Variants in PRR36 observed in about 807,000 individuals in gnomAD.
PRR36 encodes proline-rich protein 36.
A neutral mutation model predicts 58.6 loss-of-function variants in PRR36; 30 were observed. That is an observed-to-expected ratio of 0.51 (90% CI 0.38 to 0.69). The LOEUF (loss-of-function observed/expected upper bound fraction) is 0.69, where lower values mean the gene tolerates loss of function less well. PRR36 is among the 30% of genes least tolerant of loss of function. PRR36 has a pLI of 0.00. For synonymous variants in PRR36, 771 were observed against 829.3 expected, an observed-to-expected ratio of 0.93 and a Z score of 1.21; for missense variants, 1,692 against 1,805.6, an observed-to-expected ratio of 0.94 and a Z score of 1.14.
In PRR36 at chr19:7,874,177, T is replaced by G; in HGVS notation, c.-8+109A>C. On this transcript the variant is annotated intron_variant, in intron 1 of 5. Coordinates refer to ENST00000618550, the MANE Select transcript of PRR36 (RefSeq NM_001190467.2). This position sits in a 1 kb window ranked among gnomAD's most constrained non-coding sequence, Gnocchi z 6.0. ...CTGCCGGGAGGCAGAGCGGCCCCGC[T>G]GCCCGCGAACGGGCTCCGGGAGACA... 6.5e-6 allele frequency: 1 copy of G among 154,506 alleles called. No homozygotes were observed. Among genetic ancestry groups the G allele is most frequent in the Non-Finnish European group, 1.4e-5 (1 of 69,580 alleles). The allele number at this position is 154,506 out of a possible 1,614,324, so 9.6% of individuals were successfully genotyped here. A position where few individuals can be genotyped will look rare whatever the true frequency, so the allele number is the denominator to read the frequency against.
Position 7,870,065 on chromosome 19 carries a change from GGC to G in PRR36, c.3177_3178del (p.Leu1061SerfsTer131). ...GGGAGAGGGAGGGACCTGCAGAAGG[GGC>G]GCTGCCAGAACAGGTGGGGCCTGTG... On this transcript the variant is annotated frameshift_variant, in exon 5 of 6. Coordinates refer to ENST00000618550, the MANE Select transcript of PRR36 (RefSeq NM_001190467.2). LOFTEE classifies it high-confidence loss of function. 2.0e-6 allele frequency: 3 copies of G among 1,474,882 alleles called. No homozygotes were observed. Among genetic ancestry groups the G allele is most frequent in the Admixed American group, 2.4e-5 (1 of 41,960 alleles). The allele number at this position is 1,474,882 out of a possible 1,614,324, so 91.4% of individuals were successfully genotyped here.
rs1339941977 is a variant in PRR36 at position 7,870,647 on chromosome 19, G to A, written c.2597C>T (p.Pro866Leu). Residue 866 changes from proline to leucine, a missense_variant, in exon 5 of 6, where the codon CCT becomes CTT. This residue lies in a region of PRR36 where 171 missense variants were observed against 146.2 expected (regional missense o/e 1.17). Coordinates refer to ENST00000618550, the MANE Select transcript of PRR36 (RefSeq NM_001190467.2). ...PSPPASPPLSPLATPSPQAPN... is the reference protein window; with the variant it reads ...PSPPASPPLSLLATPSPQAPN... ...GGCCTGTGGAGAGGGTGTGGCCAAAGGAGACAGAGGGGGTGAGGCAGGGGG... is the reference window on the plus strand; with the variant it reads ...GGCCTGTGGAGAGGGTGTGGCCAAAAGAGACAGAGGGGGTGAGGCAGGGGG... 1.5e-6 allele frequency: 2 copies of A among 1,367,702 alleles called. No homozygotes were observed. Among genetic ancestry groups the A allele is most frequent in the South Asian group, 1.7e-5 (1 of 58,504 alleles). The allele number at this position is 1,367,702 out of a possible 1,614,324, so 84.7% of individuals were successfully genotyped here. A position where few individuals can be genotyped will look rare whatever the true frequency, so the allele number is the denominator to read the frequency against.
Position 7,872,072 on chromosome 19 carries a change from G to A in PRR36, c.1172C>T (p.Ala391Val). Residue 391 changes from alanine to valine, a missense_variant, in exon 5 of 6, where the codon GCC (alanine) becomes GTC (valine). Physicochemically the swap from Ala to Val is moderately conservative, Grantham distance 64. Around this residue, in one of 5 missense-constraint regions of PRR36, gnomAD observed 975 missense variants for 955.2 expected, o/e 1.02. Coordinates refer to ENST00000618550, the MANE Select transcript of PRR36 (RefSeq NM_001190467.2). This position sits in a 1 kb window ranked among gnomAD's most constrained non-coding sequence, Gnocchi z 6.1. ...GGGTGGAACTTGCGAGGGGGGCGTG[G>A]CTGGTGGAGAGGGGAGGGTCTGCAG... ...PSLQTLPSPP[A>V]TPPSQVPPTQ... 1 of 1,535,630 alleles carries A rather than the reference G, an allele frequency of 6.5e-7. No homozygotes were observed. Among genetic ancestry groups the A allele is most frequent in the Non-Finnish European group, 8.7e-7 (1 of 1,146,746 alleles).
rs1158724804 is a variant in PRR36, at chr19:7,874,043, G to A, written c.-8+243C>T. On this transcript the variant is annotated intron_variant, in intron 1 of 5. Transcript: ENST00000618550. This position sits in a 1 kb window ranked among gnomAD's most constrained non-coding sequence, Gnocchi z 6.0. ...CAGACCGCCAGCCTCGAGAGCGGGG[G>A]ACTGCCACGGGCTCAGGATGTCGCA... Among the ~76,000 whole-genome samples, 2 of 152,114 alleles carry A rather than the reference G, an allele frequency of 1.3e-5. No individual in the cohort carries two copies. The highest frequency in any genetic ancestry group is 2.9e-5 in the Non-Finnish European group (2 of 67,982).
At position 7,872,897 on chromosome 19, in the gene PRR36, C is replaced by G. The variant is rs1243901047; in HGVS notation, c.439G>C (p.Ala147Pro). 2.0e-6 allele frequency: 3 copies of G among 1,536,004 alleles called. No homozygotes were observed. Among genetic ancestry groups the G allele is most frequent in the African/African-American group, 2.7e-5 (2 of 73,060 alleles). Residue 147 changes from alanine to proline, a missense_variant, in exon 4 of 6, where the codon GCT becomes CCT. Transcript: ENST00000618550. The surrounding 1 kb of genome is among the most constrained non-coding windows in gnomAD (Gnocchi z 6.1). Reference sequence around the variant, plus strand: ...GCACTCCTTTTGGGAGCCTCTGTAGCTTTTCCTCTGGCCACAGTTTCCTCC... The same window carrying G: ...GCACTCCTTTTGGGAGCCTCTGTAGGTTTTCCTCTGGCCACAGTTTCCTCC... ...SAEETVARGKATEAPKRSALS... is the reference protein window; with the variant it reads ...SAEETVARGKPTEAPKRSALS...
Position 7,873,827 on chromosome 19 carries a change from C to T in PRR36, c.-7-131G>A. The T allele has an allele frequency of 2.3e-6, 2 of 873,074 alleles. No homozygotes were observed. Among genetic ancestry groups the T allele is most frequent in the South Asian group, 1.9e-5 (1 of 53,212 alleles). 54.1% of individuals were successfully genotyped at this position (873,074 alleles called of 1,614,324 possible). ...GACACTCAAACCTCGGCCTCGGCTT[C>T]CATCCGCTCGGCTCCCACGCACCTA... On this transcript the variant is annotated intron_variant, in intron 1 of 5. Transcript: ENST00000618550. This position sits in a 1 kb window ranked among gnomAD's most constrained non-coding sequence, Gnocchi z 5.0.
In PRR36 at chr19:7,869,842, ACGC is replaced by A; in HGVS notation, c.3399_3401del (p.Arg1134del). The stretch of plus-strand genomic sequence containing the variant: ...CGCCCTCGGGCCCGCTGTCGTAGCC[ACGC>A]AGCTCCTCTGGCGTGCTCGTGGCGC... On this transcript the variant is annotated inframe_deletion, in exon 5 of 6. Coordinates refer to ENST00000618550, the MANE Select transcript of PRR36 (RefSeq NM_001190467.2). 1 of 1,349,476 alleles carries A rather than the reference ACGC, an allele frequency of 7.4e-7. No homozygotes were observed. Among genetic ancestry groups the A allele is most frequent in the Non-Finnish European group, 9.5e-7 (1 of 1,057,470 alleles). The allele number at this position is 1,349,476 out of a possible 1,614,324, so 83.6% of individuals were successfully genotyped here. A position where few individuals can be genotyped will look rare whatever the true frequency, so the allele number is the denominator to read the frequency against.
chr19:7,871,665 C>A lies in PRR36; in HGVS notation c.1579G>T (p.Ala527Ser), dbSNP rs778164077. 1 of 1,535,848 alleles carries A rather than the reference C, an allele frequency of 6.5e-7. No homozygotes were observed. The highest frequency in any genetic ancestry group is 1.2e-5 in the South Asian group (1 of 84,040). The change falls in exon 5 of 6, where the codon GCC becomes TCC. Residue 527 changes from alanine to serine, a missense_variant. Coordinates refer to ENST00000618550, the MANE Select transcript of PRR36 (RefSeq NM_001190467.2). The stretch of plus-strand genomic sequence containing the variant: ...GGAGAGGCCTGCAGAGGCAATGTGG[C>A]CAGAAGAGGAGAGTCCTGCAGAGGA... ...TLPLQDSPLL[A>S]TLPLQASPSP...
rs1359256393 is a variant in PRR36, at chr19:7,872,667, C to T, written c.577G>A (p.Ala193Thr). 3.4e-6 allele frequency: 5 copies of T among 1,464,294 alleles called. No homozygotes were observed. In the African/African-American group the frequency reaches 4.3e-5, roughly 12 times the overall value. 90.7% of individuals were successfully genotyped at this position (1,464,294 alleles called of 1,614,324 possible). Residue 193 changes from alanine to threonine, a missense_variant, in exon 5 of 6, where the codon GCT becomes ACT. Around this residue, in one of 5 missense-constraint regions of PRR36, gnomAD observed 975 missense variants for 955.2 expected, o/e 1.02. Transcript: ENST00000618550. This position sits in a 1 kb window ranked among gnomAD's most constrained non-coding sequence, Gnocchi z 6.1. ...GGGGGCCGTGGCCGGGCACTCGGAGCTGGCCGGGGGAGCCCCACCTCGGTG... is the reference window on the plus strand; with the variant it reads ...GGGGGCCGTGGCCGGGCACTCGGAGTTGGCCGGGGGAGCCCCACCTCGGTG... The part of the protein sequence containing the change: ...AGTEVGLPRP[A>T]PSARPRPPTE...
In PRR36 at chr19:7,873,107, T is replaced by TC; in HGVS notation, c.374+89dup. ...TTTGTGCCCAGTGACCTGCAAGTGC[T>TC]CCCGCGCCCCAACTCGTGTAAAATA... On this transcript the variant is annotated intron_variant, in intron 3 of 5. Transcript: ENST00000618550. This position sits in a 1 kb window ranked among gnomAD's most constrained non-coding sequence, Gnocchi z 5.0. The TC allele has an allele frequency of 7.2e-7, 1 of 1,388,834 alleles. No homozygotes were observed. Among genetic ancestry groups the TC allele is most frequent in the Non-Finnish European group, 9.8e-7 (1 of 1,016,252 alleles). The allele number at this position is 1,388,834 out of a possible 1,614,324, so 86.0% of individuals were successfully genotyped here. A position where few individuals can be genotyped will look rare whatever the true frequency, so the allele number is the denominator to read the frequency against.
At position 7,870,958 on chromosome 19, in the gene PRR36, A is replaced by G. The variant is rs1980403484; in HGVS notation, c.2286T>C (p.Ser762=). The G allele has an allele frequency of 1.5e-6, 2 of 1,355,786 alleles. No homozygotes were observed. The highest frequency in any genetic ancestry group is 1.5e-5 in the African/African-American group (1 of 65,132). 84.0% of individuals were successfully genotyped at this position (1,355,786 alleles called of 1,614,324 possible). A position where few individuals can be genotyped will look rare whatever the true frequency, so the allele number is the denominator to read the frequency against. ...CTGTCTGCAGAGGAGGCGGGGCTAGAGAAGGTAGGTTCTCCAGAGGGGGTG... is the reference window on the plus strand; with the variant it reads ...CTGTCTGCAGAGGAGGCGGGGCTAGGGAAGGTAGGTTCTCCAGAGGGGGTG... ...LTTPPLENLP[S]LAPPPLQTAS... is the part of the protein sequence containing the mutation. The change falls in exon 5 of 6, where the codon TCT becomes TCC. Residue 762 remains serine, a synonymous_variant. Transcript: ENST00000618550.
At position 7,869,965 on chromosome 19, in the gene PRR36, C is replaced by G; in HGVS notation, c.3279G>C (p.Arg1093=). Residue 1093 remains arginine (R), a synonymous_variant, in exon 5 of 6, where the codon CGG becomes CGC. Coordinates refer to ENST00000618550, the MANE Select transcript of PRR36 (RefSeq NM_001190467.2). ...GGCCGGGGGCCAACGCCAGGGTCAG[C>G]CGTGGGCCCGAGACGGAGGTATCCG... ...PGPDTSVSGP[R]LTLALAPGPP... 1.4e-6 allele frequency: 2 copies of G among 1,389,002 alleles called. No individual in the cohort carries two copies. Among genetic ancestry groups the G allele is most frequent in the African/African-American group, 3.1e-5 (2 of 65,382 alleles). The allele number at this position is 1,389,002 out of a possible 1,614,324, so 86.0% of individuals were successfully genotyped here.
chr19:7,872,238 G>C lies in PRR36; in HGVS notation c.1006C>G (p.Pro336Ala). ...PLPATLPPSP[P>A]VTPPPPAALQ... ...GCGGCTGGCGGAGGGGGCGTTACCG[G>C]TGGAGAGGGAGGGAGCGTGGCTGGC... Residue 336 changes from proline (P) to alanine (A), a missense_variant, in exon 5 of 6, where the codon CCG (proline) becomes GCG (alanine). Physicochemically the swap from Pro to Ala is conservative, Grantham distance 27 (BLOSUM62 -1). Coordinates refer to ENST00000618550, the MANE Select transcript of PRR36 (RefSeq NM_001190467.2). This position sits in a 1 kb window ranked among gnomAD's most constrained non-coding sequence, Gnocchi z 6.1. 6.9e-7 allele frequency: 1 copy of C among 1,459,638 alleles called. No homozygotes were observed. Among genetic ancestry groups the C allele is most frequent in the South Asian group, 1.4e-5 (1 of 70,814 alleles). The allele number at this position is 1,459,638 out of a possible 1,614,324, so 90.4% of individuals were successfully genotyped here.
rs944506174 is a variant in PRR36 at position 7,873,120 on chromosome 19, C to A, written c.374+77G>T. Reference sequence around the variant, plus strand: ...ACCTGCAAGTGCTCCCGCGCCCCAACTCGTGTAAAATAAAAGGTTCCAGAC... The same window carrying A: ...ACCTGCAAGTGCTCCCGCGCCCCAAATCGTGTAAAATAAAAGGTTCCAGAC... On this transcript the variant is annotated intron_variant, in intron 3 of 5. Coordinates refer to ENST00000618550, the MANE Select transcript of PRR36 (RefSeq NM_001190467.2). This position sits in a 1 kb window ranked among gnomAD's most constrained non-coding sequence, Gnocchi z 5.0. The A allele has an allele frequency of 6.9e-7, 1 of 1,448,416 alleles. No individual in the cohort carries two copies. The highest frequency in any genetic ancestry group is 9.3e-7 in the Non-Finnish European group (1 of 1,069,792). 89.7% of individuals were successfully genotyped at this position (1,448,416 alleles called of 1,614,324 possible).
chr19:7,869,448 G>T lies in PRR36; in HGVS notation c.3626C>A (p.Ala1209Asp). 1 of 1,503,528 alleles carries T rather than the reference G, an allele frequency of 6.7e-7. No homozygotes were observed. The highest frequency in any genetic ancestry group is 8.8e-7 in the Non-Finnish European group (1 of 1,133,220). The allele number at this position is 1,503,528 out of a possible 1,614,324, so 93.1% of individuals were successfully genotyped here. The part of the protein sequence containing the change: ...ETEGPESATP[A>D]PGALDPGPSP... ...GGGCCCCGGATCCAGTGCGCCAGGG[G>T]CGGGGGTCGCCGACTCGGGCCCTTC... Residue 1209 changes from alanine to aspartate, a missense_variant, in exon 6 of 6, where the codon GCC becomes GAC. Physicochemically the swap from Ala to Asp is moderately radical, Grantham distance 126. Around this residue, in one of 5 missense-constraint regions of PRR36, gnomAD observed 485 missense variants for 549.2 expected, o/e 0.88. Coordinates refer to ENST00000618550, the MANE Select transcript of PRR36 (RefSeq NM_001190467.2).
Position 7,871,746 on chromosome 19 carries a change from T to G in PRR36, c.1498A>C (p.Ser500Arg), listed in dbSNP as rs1380705203. 5 of 1,533,410 alleles carry G rather than the reference T, an allele frequency of 3.3e-6. No homozygotes were observed. The highest frequency in any genetic ancestry group is 4.4e-6 in the Non-Finnish European group (5 of 1,145,922). The allele number at this position is 1,533,410 out of a possible 1,614,324, so 95.0% of individuals were successfully genotyped here. Residue 500 changes from serine (S) to arginine (R), a missense_variant, in exon 5 of 6, where the codon AGT (serine) becomes CGT (arginine). By Grantham distance (110) the Ser-to-Arg change is moderately radical. This residue lies in a region of PRR36 where 975 missense variants were observed against 955.2 expected (regional missense o/e 1.02). Coordinates refer to ENST00000618550, the MANE Select transcript of PRR36 (RefSeq NM_001190467.2). ...SALTTPPPQA[S>R]PSPSPPSLQA... ...AGAGAGGGCGGAGACGGGGAAGGAC[T>G]GGCCTGCGGAGGGGGCGTGGTCAGA...
chr19:7,872,953 G>A lies in PRR36; in HGVS notation c.383C>T (p.Pro128Leu). ...GRASGTTRPG[P>L]LGQKGLRISA... Reference sequence around the variant, plus strand: ...GATCCGGAGTCCCTTCTGGCCAAGAGGGCCTGGCCTGGAGACAGAAGGGGC... The same window carrying A: ...GATCCGGAGTCCCTTCTGGCCAAGAAGGCCTGGCCTGGAGACAGAAGGGGC... The change falls in exon 4 of 6, where the codon CCT becomes CTT. Residue 128 changes from proline (P) to leucine (L), a missense_variant. Coordinates refer to ENST00000618550, the MANE Select transcript of PRR36 (RefSeq NM_001190467.2). The surrounding 1 kb of genome is among the most constrained non-coding windows in gnomAD (Gnocchi z 6.1). 1 of 1,535,954 alleles carries A rather than the reference G, an allele frequency of 6.5e-7. No homozygotes were observed. Among genetic ancestry groups the A allele is most frequent in the East Asian group, 2.4e-5 (1 of 40,906 alleles).
rs376375509 is a variant in PRR36, at chr19:7,870,102, T to A, written c.3142A>T (p.Thr1048Ser). 124 of 1,482,826 alleles carry A rather than the reference T, an allele frequency of 8.4e-5. No homozygotes were observed. The East Asian group carries it at 2.2e-3, about 26-fold the overall frequency. The allele number at this position is 1,482,826 out of a possible 1,614,324, so 91.9% of individuals were successfully genotyped here. A position where few individuals can be genotyped will look rare whatever the true frequency, so the allele number is the denominator to read the frequency against. The change falls in exon 5 of 6, where the codon ACG becomes TCG. Residue 1048 changes from threonine to serine, a missense_variant. Physicochemically the swap from Thr to Ser is moderately conservative, Grantham distance 58. Coordinates refer to ENST00000618550, the MANE Select transcript of PRR36 (RefSeq NM_001190467.2). Reference protein sequence around the residue: ...SASLPMSPLATPPPQAPPVLA... With the variant: ...SASLPMSPLASPPPQAPPVLA... ...ACAGGTGGGGCCTGTGGAGGAGGCG[T>A]GGCCAAAGGAGACATTGGGAGTGAG...
At position 7,872,314 on chromosome 19, in the gene PRR36, C is replaced by G; in HGVS notation, c.930G>C (p.Ser310=). 2.1e-6 allele frequency: 3 copies of G among 1,452,722 alleles called. No homozygotes were observed. The highest frequency in any genetic ancestry group is 2.7e-6 in the Non-Finnish European group (3 of 1,109,018). The allele number at this position is 1,452,722 out of a possible 1,614,324, so 90.0% of individuals were successfully genotyped here. The change falls in exon 5 of 6, where the codon TCG becomes TCC. Residue 310 remains serine, a synonymous_variant. Transcript: ENST00000618550. This position sits in a 1 kb window ranked among gnomAD's most constrained non-coding sequence, Gnocchi z 6.1. ...GCGGTACGGGTCTTGCCTTGGTACC[C>G]GATGGAGAGGGTGTGGCCAAAGGAG... ...SSSPLATPSP[S]GTKARPVPPP...
Sources: allele counts gnomAD v4.1 joint callset (sites outside exome capture counted in the v4.1 genomes callset), GRCh38; gene constraint gnomAD v4.1.1; regional missense constraint gnomAD v4.1.1; non-coding constraint Gnocchi (gnomAD v3.1); transcripts MANE v1.5; gene names NCBI Gene and HGNC (gene_info 2026-07-23, HGNC 2026-07-21).